The following DYM variants were observed in gnomAD, a reference collection of about 807,000 sequenced individuals.
DYM encodes dyggve-Melchior-Clausen syndrome protein.
A neutral mutation model predicts 93.1 loss-of-function variants in DYM; 78 were observed. The ratio of observed to expected loss-of-function variants is 0.84; its 90% CI spans 0.70 to 1.01. DYM has a LOEUF of 1.01. Among genes scored for constraint, DYM ranks in the 50% least tolerant of loss-of-function variants. The pLI, the probability that DYM is intolerant of heterozygous loss-of-function variation, is 0.00. For missense variants in DYM, 789 were observed against 845.0 expected (o/e 0.93, Z 0.82); for synonymous variants, 321 against 319.7 (o/e 1.00, Z -0.04).
chr18:49,100,658 A>T (rs949095416), intron 16 of DYM, among the ~76,000 whole-genome samples: 1 of 152,234 alleles, frequency 6.6e-6, no homozygotes, highest in Non-Finnish European at 1.5e-5. Flanking sequence ...AGTATAATTT[A>T]TGTGTCAAAA....
rs115332127 is a variant in DYM at position 49,318,702 on chromosome 18, T to C, written c.763+13162A>G. ...ACAATTTTTTATTTAAGAAATTATCTTGAAAAGTAAGTGATAACCCCACAA... is the reference window on the plus strand; with the variant it reads ...ACAATTTTTTATTTAAGAAATTATCCTGAAAAGTAAGTGATAACCCCACAA... On this transcript the variant is annotated intron_variant, in intron 8 of 17. Coordinates refer to ENST00000675505, the MANE Select transcript of DYM (RefSeq NM_001353214.3). Among the ~76,000 whole-genome samples, 523 of 152,266 alleles carry C rather than the reference T, an allele frequency of 3.4e-3. 4 individuals carry two copies. Among genetic ancestry groups the C allele is most frequent in the African/African-American group, 0.012 (486 of 41,560 alleles).
chr18:49,336,854 C>A (rs1275197767), intron 6 of DYM, among the ~76,000 whole-genome samples: 1 of 152,136 alleles, frequency 6.6e-6, no homozygotes, highest in Non-Finnish European at 1.5e-5. Context: ...CTGATAGTAA[C>A]TATGGGATCA....
intron 8 of DYM, among the ~76,000 whole-genome samples, chr18:49,311,575 T>G (rs111349074): frequency 2.0e-5 from 3 of 152,114 alleles, no homozygotes; most frequent in African/African-American, 7.2e-5. Flanking sequence ...ATGTCCTTTG[T>G]AGGGACATCG....
At chr18:49,370,295 A>AAAAC (rs2066905168) in intron 5 of DYM, among the ~76,000 whole-genome samples, 1 of 146,668 alleles carries the variant, frequency 6.8e-6, no homozygotes, top group African/African-American at 2.5e-5. Context: ...AAAAAAAAAA[A>AAAAC]AAAACAAAAC....
intron 2 of DYM, 79 bp from the exon 3 acceptor site, chr18:49,391,724 AAAGAT>A: frequency 7.3e-6 from 9 of 1,226,308 alleles, no homozygotes; most frequent in Admixed American, 1.8e-5. Context: ...AGAAATATAT[AAAGAT>A]AAGAAAAATA....
chr18:49,071,126 T>C (rs965881028), intron 17 of DYM, among the ~76,000 whole-genome samples: 3 of 152,248 alleles, frequency 2.0e-5, no homozygotes, highest in Admixed American at 2.0e-4. Flanking sequence ...AGTGCCTACC[T>C]GCTTTTATTT....
chr18:49,218,514 T>C (rs1467291327), intron 13 of DYM, among the ~76,000 whole-genome samples: 1 of 152,192 alleles, frequency 6.6e-6, no homozygotes, highest in Non-Finnish European at 1.5e-5. Context: ...AGTAGAGCTC[T>C]CCTCAGCAAA....
At chr18:49,247,149 G>A (rs2094189873) in intron 13 of DYM, among the ~76,000 whole-genome samples, 1 of 152,106 alleles carries the variant, frequency 6.6e-6, no homozygotes, top group South Asian at 2.1e-4. Context: ...GTGCTTGAAG[G>A]CTATCATAAA....
Position 49,393,959 on chromosome 18 carries a change from G to A in DYM, c.141-2314C>T, listed in dbSNP as rs553002246. Among the ~76,000 whole-genome samples the A allele has an allele frequency of 1.1e-4, 16 of 152,204 alleles. No individual in the cohort carries two copies. The East Asian group carries it at 3.1e-3, about 29-fold the overall frequency. Reference sequence around the variant, plus strand: ...TAAACTCAAAGAGAAAAAGTAAAAAGGTGATTGCCAGGGGCTGGGGATGGG... The same window carrying A: ...TAAACTCAAAGAGAAAAAGTAAAAAAGTGATTGCCAGGGGCTGGGGATGGG... On this transcript the variant is annotated intron_variant, in intron 2 of 17. Transcript: ENST00000675505.
At chr18:49,230,866 A>G (rs115715279) in intron 13 of DYM, among the ~76,000 whole-genome samples, 305 of 152,358 alleles carry the variant, frequency 2.0e-3, no homozygotes, top group African/African-American at 6.8e-3. Flanking sequence ...ATACAGAACC[A>G]TGCAGAAAAA....
intron 1 of DYM, among the ~76,000 whole-genome samples, chr18:49,431,356 C>T (rs2080303596): frequency 6.6e-6 from 1 of 152,102 alleles, no homozygotes; most frequent in Admixed American, 6.6e-5. Flanking sequence ...CTGTCTATGC[C>T]CACTGTCTAG....
At chr18:49,388,450 A>G (rs570369692) in intron 3 of DYM, among the ~76,000 whole-genome samples, 1 of 152,102 alleles carries the variant, frequency 6.6e-6, no homozygotes, top group African/African-American at 2.4e-5. Context: ...AAGGCCTAAC[A>G]AGTATATGGG....
chr18:49,343,277 C>T (rs1330639292), intron 6 of DYM, among the ~76,000 whole-genome samples: 1 of 152,218 alleles, frequency 6.6e-6, no homozygotes, highest in African/African-American at 2.4e-5. Context: ...TCTTCTACCA[C>T]ATACCCTCCC....
chr18:49,307,555 A>T (rs1455492588), intron 8 of DYM, among the ~76,000 whole-genome samples: 1 of 152,216 alleles, frequency 6.6e-6, no homozygotes, highest in African/African-American at 2.4e-5. Context: ...GTGGTCAGCT[A>T]AAATGAGGAA....
In DYM at chr18:49,281,216, T is replaced by C. The variant is rs1349890743; in HGVS notation, c.1125+781A>G. On this transcript the variant is annotated intron_variant, in intron 10 of 17. Transcript: ENST00000675505. ...CACATGAAAAAATGCTCATCATCAC[T>C]GGCCATCAGAGAAATGCAAATCAAA... 2.0e-5 allele frequency among the ~76,000 whole-genome samples: 3 copies of C among 152,240 alleles called. No individual in the cohort carries two copies. The East Asian group carries it at 5.8e-4, about 29-fold the overall frequency.
intron 14 of DYM, among the ~76,000 whole-genome samples, chr18:49,208,946 T>C (rs933226602): frequency 1.3e-5 from 2 of 152,222 alleles, no homozygotes; most frequent in African/African-American, 4.8e-5. Flanking sequence ...GATTGACAGC[T>C]TGTCTCTTTC....
intron 1 of DYM, 114 bp downstream of exon 1, chr18:49,460,276 GCCGCCGCC>G (rs1454506220): frequency 6.6e-6 from 1 of 152,096 alleles, no homozygotes; most frequent in Non-Finnish European, 1.5e-5. Flanking sequence ...GGGTCCCTTC[GCCGCCGCC>G]CCGGGGCGCT....
At chr18:49,441,419 CTT>C (rs1319407075) in intron 1 of DYM, among the ~76,000 whole-genome samples, 2 of 128,450 alleles carry the variant, frequency 1.6e-5, no homozygotes, top group Admixed American at 1.1e-4. Flanking sequence ...ACCTCAGAGA[CTT>C]TAAGGAGAAA....
chr18:49,294,867 G>A (rs1166608353), intron 8 of DYM, among the ~76,000 whole-genome samples: 3 of 152,136 alleles, frequency 2.0e-5, no homozygotes, highest in Non-Finnish European at 4.4e-5. Context: ...TTTTAAAACT[G>A]TAATACTGAT....
Sources: allele counts gnomAD v4.1 joint callset (sites outside exome capture counted in the v4.1 genomes callset), GRCh38; gene constraint gnomAD v4.1.1; transcripts MANE v1.5; gene names NCBI Gene and HGNC (gene_info 2026-07-23, HGNC 2026-07-21).